MRTFB: variants seen among roughly 807,000 people sequenced by gnomAD.
MRTFB encodes the protein myocardin related transcription factor B.
In MRTFB, 29 loss-of-function variants were observed where a neutral mutation model predicts 104.2. The observed-to-expected ratio is 0.28, with a 90% CI of 0.21 to 0.38. The LOEUF is 0.38. MRTFB is among the 10% of genes least tolerant of loss of function. The probability of loss-of-function intolerance (pLI) is 1.00; values close to 1 mark genes in which losing one functional copy is unlikely to be tolerated. For synonymous variants in MRTFB, 535 were observed against 519.5 expected (o/e 1.03, Z -0.41); for missense variants, 1,270 against 1,341.6 (o/e 0.95, Z 0.83).
At chr16:14,052,560 G>T in the MRTFB span, among the ~76,000 whole-genome samples, 2 of 152,012 alleles carry the variant, frequency 1.3e-5, no homozygotes, top group African/African-American at 2.4e-5. Context: ...CCAACATGGT[G>T]AAACCCGTCT....
At chr16:14,099,687 A>T (rs965226222) in intron 2 of MRTFB, among the ~76,000 whole-genome samples, 7 of 108,462 alleles carry the variant, frequency 6.5e-5, no homozygotes, top group Admixed American at 2.0e-4. Context: ...TTTTTTTTTG[A>T]GACAGAGTCT....
Position 14,245,591 on chromosome 16 carries a change from A to G in MRTFB, c.1143A>G (p.Thr381=). 1 of 1,614,176 alleles carries G rather than the reference A, an allele frequency of 6.2e-7. No homozygotes were observed. Among genetic ancestry groups the G allele is most frequent in the Non-Finnish European group, 8.5e-7 (1 of 1,180,014 alleles). Reference sequence around the variant, plus strand: ...CTTTGAACAATGCCACACCTAACACACCAAGACAGAATACATCTACTCCTG... The same window carrying G: ...CTTTGAACAATGCCACACCTAACACGCCAAGACAGAATACATCTACTCCTG... ...NSALNNATPN[T]PRQNTSTPVR... Residue 381 remains threonine, a synonymous_variant, in exon 11 of 17, where the codon ACA becomes ACG. Coordinates refer to ENST00000571589, the MANE Select transcript of MRTFB (RefSeq NM_001308142.2).
At chr16:14,097,371 A>T (rs1365068670) in intron 2 of MRTFB, among the ~76,000 whole-genome samples, 1 of 152,216 alleles carries the variant, frequency 6.6e-6, no homozygotes, top group Non-Finnish European at 1.5e-5. Context: ...CAATCCAGGA[A>T]GACCGGTTTG....
At chr16:14,001,894 C>T in the MRTFB span, among the ~76,000 whole-genome samples, 1 of 152,190 alleles carries the variant, frequency 6.6e-6, no homozygotes, top group African/African-American at 2.4e-5. Flanking sequence ...TGCCATGAGG[C>T]ACTGTATCCT....
intron 15 of MRTFB, among the ~76,000 whole-genome samples, chr16:14,255,411 T>C (rs1455709245): frequency 6.6e-6 from 1 of 152,222 alleles, no homozygotes; most frequent in African/African-American, 2.4e-5. Context: ...AAACAACTAA[T>C]TGATTAATGT....
intron 2 of MRTFB, among the ~76,000 whole-genome samples, chr16:14,087,142 C>T (rs1357442622): frequency 6.6e-6 from 1 of 152,152 alleles, no homozygotes. Context: ...GCAAAGCCAA[C>T]ACTCGGGGCT....
chr16:14,065,055 G>T, the MRTFB span, among the ~76,000 whole-genome samples: 1 of 152,150 alleles, frequency 6.6e-6, no homozygotes, highest in Admixed American at 6.5e-5. Context: ...GGGTAGTATG[G>T]CCATTTTAAC....
At chr16:14,040,583 C>G in the MRTFB span, among the ~76,000 whole-genome samples, 1 of 151,988 alleles carries the variant, frequency 6.6e-6, no homozygotes, top group Non-Finnish European at 1.5e-5. Context: ...CTGCCTCAGC[C>G]TCCCGAGTAG....
At chr16:14,188,452 G>C (rs1283630649) in intron 3 of MRTFB, among the ~76,000 whole-genome samples, 2 of 152,108 alleles carry the variant, frequency 1.3e-5, no homozygotes, top group Non-Finnish European at 2.9e-5. Context: ...ACAGCAATGG[G>C]ATTAAGGCAC....
chr16:14,154,659 C>G (rs1597096440), intron 3 of MRTFB, among the ~76,000 whole-genome samples: 1 of 152,176 alleles, frequency 6.6e-6, no homozygotes, highest in East Asian at 1.9e-4. Flanking sequence ...GTACCTCTGC[C>G]TCAGAGTCTC....
At chr16:14,198,048 C>T (rs914360130) in intron 3 of MRTFB, among the ~76,000 whole-genome samples, 3 of 152,116 alleles carry the variant, frequency 2.0e-5, no homozygotes, top group Non-Finnish European at 4.4e-5. Flanking sequence ...CTGAATTTAC[C>T]AGTTCTGGAT....
At chr16:14,012,439 C>A in the MRTFB span, among the ~76,000 whole-genome samples, 1 of 151,704 alleles carries the variant, frequency 6.6e-6, no homozygotes, top group Non-Finnish European at 1.5e-5. Context: ...GCTGGGACTA[C>A]AGGCACCTGC....
At chr16:14,077,133 T>G (rs998109538) in intron 1 of MRTFB, among the ~76,000 whole-genome samples, 2 of 152,260 alleles carry the variant, frequency 1.3e-5, no homozygotes, top group Non-Finnish European at 2.9e-5. Context: ...TTACATTTTA[T>G]GTACTTAACA....
intron 2 of MRTFB, among the ~76,000 whole-genome samples, chr16:14,127,500 C>G (rs1324737426): frequency 1.3e-5 from 2 of 151,772 alleles, no homozygotes; most frequent in East Asian, 1.9e-4. Flanking sequence ...AAAAATTAGC[C>G]AGGCGTGGTG....
At chr16:14,003,664 C>T in the MRTFB span, among the ~76,000 whole-genome samples, 3,067 of 80,208 alleles carry the variant, frequency 0.038, 97 homozygotes, top group African/African-American at 0.18. Flanking sequence ...CTCCCTCCCT[C>T]CCTCCCTTCC....
At chr16:14,023,676 T>TGTGTAA in the MRTFB span, among the ~76,000 whole-genome samples, 1 of 105,920 alleles carries the variant, frequency 9.4e-6, no homozygotes. Flanking sequence ...TGTGTGTGTG[T>TGTGTAA]CTATATATAT....
At chr16:14,029,445 T>TATATACAC in the MRTFB span, among the ~76,000 whole-genome samples, 39 of 85,958 alleles carry the variant, frequency 4.5e-4, no homozygotes, top group South Asian at 7.9e-4. Context: ...TATATATATA[T>TATATACAC]ACACACACAC....
intron 3 of MRTFB, among the ~76,000 whole-genome samples, chr16:14,203,130 C>T (rs1295632648): frequency 6.6e-6 from 1 of 151,982 alleles, no homozygotes; most frequent in African/African-American, 2.4e-5. Context: ...CTAATCCTCA[C>T]TTGACTGCTC....
chr16:14,044,112 G>A, the MRTFB span, among the ~76,000 whole-genome samples: 6 of 152,162 alleles, frequency 3.9e-5, no homozygotes, highest in South Asian at 2.1e-4. Flanking sequence ...TAAGACTCCC[G>A]TAGTCCCTAG....
Sources: gnomAD v4.1 joint callset for allele counts (sites outside exome capture counted in the v4.1 genomes callset) on GRCh38, gnomAD v4.1.1 for gene constraint, MANE v1.5 for transcripts, NCBI Gene and HGNC (gene_info 2026-07-23, HGNC 2026-07-21) for gene names.